Variants in CELSR1 observed in about 807,000 individuals in gnomAD.
The protein encoded by CELSR1 is cadherin EGF LAG seven-pass G-type receptor 1, also known as adhesion G protein-coupled receptor C1.
A neutral mutation model predicts 249.1 loss-of-function variants in CELSR1; 110 were observed. That is an observed-to-expected ratio of 0.44 (90% CI 0.38 to 0.52). The LOEUF (loss-of-function observed/expected upper bound fraction) is 0.52. Ranked by LOEUF, CELSR1 falls within the 20% of genes least tolerant of loss-of-function variation. CELSR1 has a pLI of 0.00. For synonymous variants in CELSR1, 2,113 were observed against 1,900.0 expected, an observed-to-expected ratio of 1.11 and a Z score of -2.92; for missense variants, 4,109 against 4,296.4, an observed-to-expected ratio of 0.96 and a Z score of 1.22.
rs975693454 is a variant in CELSR1, at chr22:46,512,339, G to C, written c.3544+21288C>G. Among the ~76,000 whole-genome samples the C allele has an allele frequency of 9.9e-5, 15 of 152,068 alleles. No homozygotes were observed. The highest frequency in any genetic ancestry group is 3.6e-4 in the African/African-American group (15 of 41,308). ...TAATCCCAGCACTTTGGGAGGCCAA[G>C]GCAGGCGGATCACATGAGGTCAGGA... is the stretch of plus-strand genomic sequence containing the variant. On this transcript the variant is annotated intron_variant, in intron 1 of 34. Coordinates refer to ENST00000674500, the MANE Select transcript of CELSR1 (RefSeq NM_001378328.1). This position sits in a 1 kb window ranked among gnomAD's most constrained non-coding sequence, Gnocchi z 5.2.
At chr22:46,376,073 G>A (rs893133274) in intron 24 of CELSR1, among the ~76,000 whole-genome samples, 1 of 152,224 alleles carries the variant, frequency 6.6e-6, no homozygotes, top group Non-Finnish European at 1.5e-5. Context: ...TATTGCAACT[G>A]CAGGTTTTCT....
intron 3 of CELSR1, among the ~76,000 whole-genome samples, chr22:46,438,919 A>G (rs114353555): frequency 0.04 from 6,124 of 152,158 alleles, 407 homozygotes; most frequent in African/African-American, 0.14. Context: ...CACTGTATCC[A>G]GCTCATTTTT....
rs571815006 is a variant in CELSR1, at chr22:46,436,220, G to A, written c.4476C>T (p.Ile1492=). 1.2e-5 allele frequency: 19 copies of A among 1,614,114 alleles called. No individual in the cohort carries two copies. The highest frequency in any genetic ancestry group is 6.7e-5 in the East Asian group (3 of 44,884). Residue 1492 remains isoleucine, a synonymous_variant, in exon 4 of 35, where the codon ATC becomes ATT. Transcript: ENST00000674500. This position sits in a 1 kb window ranked among gnomAD's most constrained non-coding sequence, Gnocchi z 5.9. ...NGRFNEKHDF[I]ALEIVDEQVQ... ...CCTGCTCGTCCACGATCTCCAGGGCGATGAAGTCGTGCTTCTCATTGAAGC... is the reference window on the plus strand; with the variant it reads ...CCTGCTCGTCCACGATCTCCAGGGCAATGAAGTCGTGCTTCTCATTGAAGC...
At position 46,534,143 on chromosome 22, in the gene CELSR1, C is replaced by A; in HGVS notation, c.3028G>T (p.Glu1010Ter). 6.2e-7 allele frequency: 1 copy of A among 1,613,844 alleles called. No homozygotes were observed. The highest frequency in any genetic ancestry group is 8.5e-7 in the Non-Finnish European group (1 of 1,180,048). ...EKDELELFVEENNPVGSVVAK... is the reference protein window; with the variant it reads ...EKDELELFVE ...ACCACCGACCCCACTGGGTTGTTCT[C>A]CTCAACAAACAGCTCCAGTTCGTCC... is the stretch of plus-strand genomic sequence containing the variant. The change falls in exon 1 of 35, where the codon GAG (glutamate) becomes TAG (stop). Residue 1010 changes from glutamate to a stop codon, truncating the protein, a stop_gained. Transcript: ENST00000674500. LOFTEE classifies it high-confidence loss of function. The surrounding 1 kb of genome is among the most constrained non-coding windows in gnomAD (Gnocchi z 9.7).
At chr22:46,439,842 G>C (rs1380006752) in intron 2 of CELSR1, among the ~76,000 whole-genome samples, 1 of 152,124 alleles carries the variant, frequency 6.6e-6, no homozygotes, top group Non-Finnish European at 1.5e-5. Flanking sequence ...ACACAGCAGA[G>C]CCTCGTCAGA....
chr22:46,439,819 G>A (rs531644126), intron 2 of CELSR1, among the ~76,000 whole-genome samples: 8 of 152,234 alleles, frequency 5.3e-5, no homozygotes, highest in Admixed American at 2.6e-4. Flanking sequence ...ACCTATGCCC[G>A]TGCCACAGCA....
At position 46,391,154 on chromosome 22, in the gene CELSR1, C is replaced by A; in HGVS notation, c.6250+32G>T. The A allele has an allele frequency of 6.4e-7, 1 of 1,565,638 alleles. No individual in the cohort carries two copies. The highest frequency in any genetic ancestry group is 1.1e-5 in the South Asian group (1 of 89,726). On this transcript the variant is annotated intron_variant, in intron 16 of 34. Transcript: ENST00000674500. The surrounding 1 kb of genome is among the most constrained non-coding windows in gnomAD (Gnocchi z 4.3). ...GCTCCTCCCACAAGGACGCCTGCCTCAGTTCCCTACACACAGGCCACGGCG... is the reference window on the plus strand; with the variant it reads ...GCTCCTCCCACAAGGACGCCTGCCTAAGTTCCCTACACACAGGCCACGGCG...
At chr22:46,508,994 C>T (rs1459073631) in intron 1 of CELSR1, among the ~76,000 whole-genome samples, 4 of 152,308 alleles carry the variant, frequency 2.6e-5, no homozygotes, top group Admixed American at 6.5e-5. Context: ...CCAGTGGCCT[C>T]CATCTGGGCA....
Position 46,407,837 on chromosome 22 carries a change from C to T in CELSR1, c.5226+1159G>A, listed in dbSNP as rs984929634. On this transcript the variant is annotated intron_variant, in intron 9 of 34. Coordinates refer to ENST00000674500, the MANE Select transcript of CELSR1 (RefSeq NM_001378328.1). This position sits in a 1 kb window ranked among gnomAD's most constrained non-coding sequence, Gnocchi z 4.8. Reference sequence around the variant, plus strand: ...AGAATTGCCCAGTGAGTTTTCAGAGCTAGACCCTGATCAGAAAGGGTCACA... The same window carrying T: ...AGAATTGCCCAGTGAGTTTTCAGAGTTAGACCCTGATCAGAAAGGGTCACA... Among the ~76,000 whole-genome samples, 5 of 152,190 alleles carry T rather than the reference C, an allele frequency of 3.3e-5. No individual in the cohort carries two copies. Among genetic ancestry groups the T allele is most frequent in the Admixed American group, 1.3e-4 (2 of 15,286 alleles).
intron 1 of CELSR1, among the ~76,000 whole-genome samples, chr22:46,483,210 A>G (rs2080283121): frequency 6.6e-6 from 1 of 152,108 alleles, no homozygotes; most frequent in Admixed American, 6.6e-5. Context: ...AAAGGGGAAA[A>G]AGTATGATTT....
chr22:46,524,572 C>CG (rs2080720267), intron 1 of CELSR1, among the ~76,000 whole-genome samples: 20 of 113,818 alleles, frequency 1.8e-4, no homozygotes, highest in Non-Finnish European at 3.7e-4. Flanking sequence ...GTGTGTGTGT[C>CG]TGTCTGTCTG....
Position 46,410,578 on chromosome 22 carries a change from ATCT to A in CELSR1, c.4770-20_4770-18del, listed in dbSNP as rs1322492796. ...TCCAGGGACCTGGGTAGGTAAAGCC[ATCT>A]TCTGTGACGTCAGGGCGGGGAGAGG... On this transcript the variant is annotated intron_variant, in intron 6 of 34. Transcript: ENST00000674500. The surrounding 1 kb of genome is among the most constrained non-coding windows in gnomAD (Gnocchi z 6.8). 6.2e-7 allele frequency: 1 copy of A among 1,609,066 alleles called. No homozygotes were observed.
chr22:46,504,991 G>A (rs771384813), intron 1 of CELSR1, among the ~76,000 whole-genome samples: 1 of 152,204 alleles, frequency 6.6e-6, no homozygotes, highest in Non-Finnish European at 1.5e-5. Context: ...GGCCGGGTGC[G>A]GCGGCTCACG....
chr22:46,444,580 G>C (rs532307963), intron 2 of CELSR1, among the ~76,000 whole-genome samples: 11 of 152,274 alleles, frequency 7.2e-5, no homozygotes, highest in African/African-American at 1.4e-4. Flanking sequence ...GTTTGGTTTG[G>C]TTTGCTTTTT....
At chr22:46,529,324 A>G (rs966429711) in intron 1 of CELSR1, among the ~76,000 whole-genome samples, 8 of 152,138 alleles carry the variant, frequency 5.3e-5, no homozygotes, top group Non-Finnish European at 2.9e-5. Flanking sequence ...ACTGGAGGTC[A>G]TTATGTTAAG....
chr22:46,521,930 G>A (rs539741228), intron 1 of CELSR1, among the ~76,000 whole-genome samples: 1 of 152,190 alleles, frequency 6.6e-6, no homozygotes, highest in Non-Finnish European at 1.5e-5. Context: ...TCCATACTGT[G>A]TTCCACAGCA....
At chr22:46,507,628 C>G (rs1198966931) in intron 1 of CELSR1, among the ~76,000 whole-genome samples, 3 of 152,136 alleles carry the variant, frequency 2.0e-5, no homozygotes, top group African/African-American at 7.2e-5. Flanking sequence ...CCGCTGTGAC[C>G]CGCCTCCTCC....
At chr22:46,481,927 C>T (rs2080270571) in intron 1 of CELSR1, among the ~76,000 whole-genome samples, 1 of 152,096 alleles carries the variant, frequency 6.6e-6, no homozygotes, top group Non-Finnish European at 1.5e-5. Context: ...CATGTGCCAC[C>T]AAGCCTGGCT....
At position 46,385,674 on chromosome 22, in the gene CELSR1, A is replaced by AT. The variant is rs747955777; in HGVS notation, c.6739+727dup. ...GGAAACAGAGGCCTACCTGCCGAAT[A>AT]TTTTTTTTTTTTTTTTTTTTTGAGA... On this transcript the variant is annotated intron_variant, in intron 19 of 34. Transcript: ENST00000674500. Among the ~76,000 whole-genome samples the AT allele has an allele frequency of 5.9e-3, 779 of 132,196 alleles. 3 individuals carry two copies. Among genetic ancestry groups the AT allele is most frequent in the Middle Eastern group, 0.013 (3 of 240 alleles). The allele number at this position is 132,196 out of a possible 152,430, so 86.7% of individuals were successfully genotyped here.
Sources: gnomAD v4.1 joint callset for allele counts (sites outside exome capture counted in the v4.1 genomes callset) on GRCh38, gnomAD v4.1.1 for gene constraint, Gnocchi (gnomAD v3.1) non-coding constraint, MANE v1.5 for transcripts, NCBI Gene and HGNC (gene_info 2026-07-23, HGNC 2026-07-21) for gene names.